The following PPP1R12B variants were observed in gnomAD, a reference collection of about 807,000 sequenced individuals.
PPP1R12B encodes the protein protein phosphatase 1 regulatory subunit 12B, also known as myosin phosphatase target subunit 2.
Under a neutral mutation model 126.1 loss-of-function variants are expected in PPP1R12B, and 76 were observed. The observed-to-expected ratio is 0.60, with a 90% CI of 0.50 to 0.73. The LOEUF is 0.73. PPP1R12B is among the 30% of genes least tolerant of loss of function. The pLI is 0.00. For synonymous variants in PPP1R12B, 356 were observed against 434.7 expected (o/e 0.82, Z 2.25); for missense variants, 1,052 against 1,205.1 (o/e 0.87, Z 1.88).
At chr1:202,448,765 A>C (rs1238209578) in intron 12 of PPP1R12B, among the ~76,000 whole-genome samples, 1 of 152,228 alleles carries the variant, frequency 6.6e-6, no homozygotes, top group Non-Finnish European at 1.5e-5. Flanking sequence ...ACACATACAC[A>C]TACAAGTCTC....
chr1:202,509,322 A>G (rs1681166351), intron 18 of PPP1R12B, among the ~76,000 whole-genome samples: 1 of 152,210 alleles, frequency 6.6e-6, no homozygotes, highest in Non-Finnish European at 1.5e-5. Flanking sequence ...AAGCTGTAAA[A>G]CTTCCTGAAT....
intron 1 of PPP1R12B, among the ~76,000 whole-genome samples, chr1:202,387,174 A>G (rs1485536218): frequency 1.3e-5 from 2 of 152,232 alleles, no homozygotes; most frequent in African/African-American, 4.8e-5. Flanking sequence ...AAAACAAAGT[A>G]TTAACATTAT....
Position 202,580,557 on chromosome 1 carries a change from G to A in PPP1R12B, c.2946G>A (p.Lys982=), listed in dbSNP as rs200433666. The A allele has an allele frequency of 3.1e-6, 5 of 1,611,610 alleles. No individual in the cohort carries two copies. The highest frequency in any genetic ancestry group is 3.4e-6 in the Non-Finnish European group (4 of 1,177,784). The part of the protein sequence containing the change: ...ALIRVISKLS[K] Reference sequence around the variant, plus strand: ...TCAGAGTCATCAGCAAACTGTCCAAGTAGGCTAGGCTCCAGATTTATGAGG... The same window carrying A: ...TCAGAGTCATCAGCAAACTGTCCAAATAGGCTAGGCTCCAGATTTATGAGG... Residue 982 remains lysine (K), a synonymous_variant, in exon 24 of 24, where the codon AAG becomes AAA. Coordinates refer to ENST00000608999, the MANE Select transcript of PPP1R12B (RefSeq NM_002481.4).
In PPP1R12B at chr1:202,580,613, C is replaced by G; in HGVS notation, c.*53C>G. ...AAGGGACAGCATTTGCTGCCCCCAC[C>G]CCTCTTTTCCAGTCCTTGCCTTCCA... On this transcript the variant is annotated 3_prime_UTR_variant, in exon 24 of 24. Coordinates refer to ENST00000608999, the MANE Select transcript of PPP1R12B (RefSeq NM_002481.4). The G allele has an allele frequency of 6.9e-7, 1 of 1,442,824 alleles. No homozygotes were observed. Among genetic ancestry groups the G allele is most frequent in the Non-Finnish European group, 9.8e-7 (1 of 1,024,990 alleles). The allele number at this position is 1,442,824 out of a possible 1,614,324, so 89.4% of individuals were successfully genotyped here.
intron 2 of PPP1R12B, among the ~76,000 whole-genome samples, chr1:202,421,927 C>T (rs1668844570): frequency 6.6e-6 from 1 of 152,246 alleles, no homozygotes; most frequent in South Asian, 2.1e-4. Flanking sequence ...GTATGAACCT[C>T]AATTTCTTAA....
At position 202,585,087 on chromosome 1, in the gene PPP1R12B, C is replaced by T. The variant is rs1247271729; in HGVS notation, c.*4527C>T. On this transcript the variant is annotated 3_prime_UTR_variant, in exon 24 of 24. Transcript: ENST00000608999. Reference sequence around the variant, plus strand: ...TCTCAGCTCACTGCAACCTCCACCTCCCAGGCTCAAGGGATCCTCTCACCT... The same window carrying T: ...TCTCAGCTCACTGCAACCTCCACCTTCCAGGCTCAAGGGATCCTCTCACCT... 1.3e-5 allele frequency: 2 copies of T among 152,386 alleles called. No individual in the cohort carries two copies. The highest frequency in any genetic ancestry group is 4.8e-5 in the African/African-American group (2 of 41,464). 9.4% of individuals were successfully genotyped at this position (152,386 alleles called of 1,614,324 possible).
At chr1:202,518,695 T>C (rs990983080) in intron 18 of PPP1R12B, among the ~76,000 whole-genome samples, 3 of 152,250 alleles carry the variant, frequency 2.0e-5, no homozygotes, top group Non-Finnish European at 2.9e-5. Context: ...CTGCTTTTCT[T>C]TATTTCCCAA....
chr1:202,507,326 TA>T (rs1385390110), intron 18 of PPP1R12B, among the ~76,000 whole-genome samples: 4 of 152,236 alleles, frequency 2.6e-5, no homozygotes, highest in African/African-American at 9.6e-5. Context: ...ATTAACACAT[TA>T]AAATACATAT....
At chr1:202,499,579 A>G (rs1380995967) in intron 18 of PPP1R12B, among the ~76,000 whole-genome samples, 1 of 152,232 alleles carries the variant, frequency 6.6e-6, no homozygotes, top group Non-Finnish European at 1.5e-5. Context: ...TTAATGGTAG[A>G]AAGGAAGCTT....
chr1:202,402,438 C>T (rs1665985190), intron 1 of PPP1R12B, among the ~76,000 whole-genome samples: 1 of 152,206 alleles, frequency 6.6e-6, no homozygotes, highest in African/African-American at 2.4e-5. Flanking sequence ...GTTTGGACTA[C>T]AGGCTATGTT....
At chr1:202,461,316 T>A (rs546721211) in intron 13 of PPP1R12B, among the ~76,000 whole-genome samples, 1 of 152,372 alleles carries the variant, frequency 6.6e-6, no homozygotes, top group South Asian at 2.1e-4. Context: ...TTACCTTGTT[T>A]GCATGTATTT....
chr1:202,501,818 C>T, intron 18 of PPP1R12B: 1 of 978,356 alleles, frequency 1.0e-6, no homozygotes, highest in Non-Finnish European at 1.2e-6. Flanking sequence ...GACTTACATC[C>T]TTTTCTATTC....
intron 23 of PPP1R12B, among the ~76,000 whole-genome samples, chr1:202,574,101 G>A (rs1688869713): frequency 1.3e-5 from 2 of 149,518 alleles, no homozygotes; most frequent in South Asian, 4.2e-4. Context: ...GGACGATCCA[G>A]AGAGCTGACA....
intron 1 of PPP1R12B, among the ~76,000 whole-genome samples, chr1:202,362,132 A>T (rs1439801723): frequency 7.1e-6 from 1 of 141,176 alleles, no homozygotes; most frequent in African/African-American, 2.6e-5. Context: ...AGTGATTTTT[A>T]TTTTTTTTAA....
chr1:202,351,363 C>G (rs892973975), intron 1 of PPP1R12B, among the ~76,000 whole-genome samples: 3 of 152,042 alleles, frequency 2.0e-5, no homozygotes, highest in African/African-American at 7.3e-5. Context: ...ATCAGCCTCC[C>G]AAGTAGCTGG....
chr1:202,394,076 C>T (rs1203676830), intron 1 of PPP1R12B, among the ~76,000 whole-genome samples: 4 of 152,184 alleles, frequency 2.6e-5, no homozygotes, highest in East Asian at 1.9e-4. Flanking sequence ...TGGTGGCTCA[C>T]GCCTGTAATC....
intron 13 of PPP1R12B, among the ~76,000 whole-genome samples, chr1:202,451,712 G>T (rs1362881904): frequency 1.3e-5 from 2 of 152,030 alleles, no homozygotes; most frequent in African/African-American, 2.4e-5. Context: ...GGTGGTGGCC[G>T]GGCAGAGGGG....
At chr1:202,538,552 G>A (rs1167610976) in intron 18 of PPP1R12B, among the ~76,000 whole-genome samples, 1 of 152,214 alleles carries the variant, frequency 6.6e-6, no homozygotes, top group East Asian at 1.9e-4. Context: ...GAAAAGAATA[G>A]CATATTGAGA....
chr1:202,553,024 TTCTAGGATTGCCA>T (rs914293131), intron 18 of PPP1R12B, among the ~76,000 whole-genome samples: 1 of 152,200 alleles, frequency 6.6e-6, no homozygotes, highest in African/African-American at 2.4e-5. Context: ...TTCTGTCCCT[TTCTAGGATTGCCA>T]TCTGAATTAA....
Sources: gnomAD v4.1 joint callset for allele counts (sites outside exome capture counted in the v4.1 genomes callset) on GRCh38, gnomAD v4.1.1 for gene constraint, MANE v1.5 for transcripts, NCBI Gene and HGNC (gene_info 2026-07-23, HGNC 2026-07-21) for gene names.